Variants in ACACA observed in about 807,000 individuals in gnomAD.
ACACA encodes the protein acetyl-CoA carboxylase alpha.
Under a neutral mutation model 296.1 loss-of-function variants are expected in ACACA, and 103 were observed. The observed-to-expected ratio is 0.35, with a 90% CI of 0.30 to 0.41. The LOEUF (loss-of-function observed/expected upper bound fraction) is 0.41, where lower values mean the gene tolerates loss of function less well. ACACA is among the 10% of genes least tolerant of loss of function. ACACA has a pLI of 1.00. For synonymous variants in ACACA, 953 were observed against 1,038.6 expected (o/e 0.92, Z 1.58); for missense variants, 1,554 against 2,989.7 (o/e 0.52, Z 11.20).
chr17:37,272,609 G>A (rs1040888280), intron 9 of ACACA, among the ~76,000 whole-genome samples: 3 of 152,118 alleles, frequency 2.0e-5, no homozygotes, highest in African/African-American at 7.2e-5. Flanking sequence ...AAGTAAGAAG[G>A]TAGGCCTTTT....
chr17:37,197,964 G>A (rs913064063), intron 35 of ACACA, among the ~76,000 whole-genome samples: 6 of 152,120 alleles, frequency 3.9e-5, no homozygotes, highest in Non-Finnish European at 7.4e-5. Context: ...ACTATAAATA[G>A]GAATCAGACA....
At position 37,274,280 on chromosome 17, in the gene ACACA, C is replaced by T; in HGVS notation, c.921G>A (p.Gln307=). ...AGATACGTTTTGAAAAATCATTTTCCTGCCAGTCCACACGAAGACCTGCAA... is the reference window on the plus strand; with the variant it reads ...AGATACGTTTTGAAAAATCATTTTCTTGCCAGTCCACACGAAGACCTGCAA... The part of the protein sequence containing the change: ...WSGSGLRVDW[Q]ENDFSKRILN... Residue 307 remains glutamine (Q), a synonymous_variant, in exon 9 of 56, where the codon CAG becomes CAA. Coordinates refer to ENST00000616317, the MANE Select transcript of ACACA (RefSeq NM_198834.3). 6.2e-7 allele frequency: 1 copy of T among 1,614,116 alleles called. No homozygotes were observed. The highest frequency in any genetic ancestry group is 8.5e-7 in the Non-Finnish European group (1 of 1,179,970).
intron 41 of ACACA, among the ~76,000 whole-genome samples, chr17:37,177,323 G>A (rs1407400932): frequency 2.6e-5 from 4 of 151,162 alleles, no homozygotes; most frequent in African/African-American, 7.3e-5. Flanking sequence ...ACAGAGGCCC[G>A]TATAATAAGA....
intron 1 of ACACA, among the ~76,000 whole-genome samples, chr17:37,395,691 C>T (rs2051057018): frequency 2.0e-5 from 3 of 152,078 alleles, no homozygotes; most frequent in South Asian, 4.1e-4. Flanking sequence ...TACAGGCATG[C>T]ACCACCATGC....
At chr17:37,167,981 G>T (rs2076747976) in intron 41 of ACACA, among the ~76,000 whole-genome samples, 1 of 152,140 alleles carries the variant, frequency 6.6e-6, no homozygotes, top group Non-Finnish European at 1.5e-5. Context: ...AAATACCCAT[G>T]ATGTAATACT....
intron 48 of ACACA, among the ~76,000 whole-genome samples, chr17:37,124,958 C>T (rs2074706959): frequency 6.6e-6 from 1 of 152,160 alleles, no homozygotes; most frequent in African/African-American, 2.4e-5. Flanking sequence ...AAACTGATTG[C>T]CCCCAGAGGA....
chr17:37,088,278 A>G (rs1207729148), intron 55 of ACACA, among the ~76,000 whole-genome samples: 3 of 152,188 alleles, frequency 2.0e-5, no homozygotes, highest in Non-Finnish European at 4.4e-5. Context: ...GCAAATGCAC[A>G]CTGAAATATT....
At chr17:37,214,493 C>A (rs553285654) in intron 29 of ACACA, among the ~76,000 whole-genome samples, 93 of 152,312 alleles carry the variant, frequency 6.1e-4, no homozygotes, top group Admixed American at 3.0e-3. Flanking sequence ...AGCTACGAAC[C>A]CACAGCACAA....
intron 1 of ACACA, among the ~76,000 whole-genome samples, chr17:37,343,385 C>A (rs2048473495): frequency 6.6e-6 from 1 of 152,172 alleles, no homozygotes; most frequent in Non-Finnish European, 1.5e-5. Context: ...AATAAAGAGG[C>A]AGCAATTAGT....
At chr17:37,405,677 G>A (rs1374090770) in intron 1 of ACACA, among the ~76,000 whole-genome samples, 1 of 151,618 alleles carries the variant, frequency 6.6e-6, no homozygotes, top group Non-Finnish European at 1.5e-5. Context: ...CTCAGCCTCC[G>A]GAGTAGCTGG....
In ACACA at chr17:37,245,321, T is replaced by C. The variant is rs1020267280; in HGVS notation, c.2461-107A>G. 30 of 1,150,780 alleles carry C rather than the reference T, an allele frequency of 2.6e-5. No individual in the cohort carries two copies. The East Asian group carries it at 4.5e-4, about 17-fold the overall frequency. The allele number at this position is 1,150,780 out of a possible 1,614,324, so 71.3% of individuals were successfully genotyped here. On this transcript the variant is annotated intron_variant, in intron 19 of 55. Transcript: ENST00000616317. ...GCATCTAAGTTGGACCACACCTAAT[T>C]TGACCAAGAAAAAATGGGAATTTAC...
At chr17:37,087,939 G>T (rs905617398) in intron 55 of ACACA, among the ~76,000 whole-genome samples, 1 of 152,196 alleles carries the variant, frequency 6.6e-6, no homozygotes, top group African/African-American at 2.4e-5. Flanking sequence ...TACTTGCATG[G>T]CCTTAAAATG....
chr17:37,244,188 C>T (rs995093367), intron 21 of ACACA, among the ~76,000 whole-genome samples: 1 of 151,442 alleles, frequency 6.6e-6, no homozygotes, highest in Non-Finnish European at 1.5e-5. Context: ...TGGTGAAACC[C>T]CACCTCTACT....
At chr17:37,356,322 TA>T (rs990915120) in intron 1 of ACACA, among the ~76,000 whole-genome samples, 3 of 152,222 alleles carry the variant, frequency 2.0e-5, no homozygotes, top group African/African-American at 7.2e-5. Flanking sequence ...CGCTTTTTTG[TA>T]ATCTTACTGT....
At chr17:37,378,363 T>G (rs1304034484) in intron 1 of ACACA, among the ~76,000 whole-genome samples, 1 of 152,164 alleles carries the variant, frequency 6.6e-6, no homozygotes, top group Non-Finnish European at 1.5e-5. Flanking sequence ...AGTACAGCAG[T>G]GGAGTTTAGC....
At chr17:37,095,500 C>T (rs2072931017) in intron 54 of ACACA, among the ~76,000 whole-genome samples, 1 of 152,218 alleles carries the variant, frequency 6.6e-6, no homozygotes, top group South Asian at 2.1e-4. Flanking sequence ...AAACTGACAG[C>T]AAATCTGGGA....
intron 10 of ACACA, among the ~76,000 whole-genome samples, chr17:37,269,683 T>A (rs1433216898): frequency 1.3e-5 from 2 of 148,874 alleles, no homozygotes; most frequent in East Asian, 3.9e-4. Context: ...GTATATGAAA[T>A]CATGGAAGAC....
At chr17:37,359,635 G>T (rs2049323986) in intron 1 of ACACA, among the ~76,000 whole-genome samples, 1 of 152,170 alleles carries the variant, frequency 6.6e-6, no homozygotes, top group Admixed American at 6.5e-5. Context: ...CGGGGAAAGG[G>T]AACCCAGAAT....
chr17:37,239,968 C>T (rs1329032462), intron 24 of ACACA, among the ~76,000 whole-genome samples: 1 of 152,204 alleles, frequency 6.6e-6, no homozygotes, highest in Non-Finnish European at 1.5e-5. Flanking sequence ...TTATTTCACA[C>T]TTAAGAGACA....
Sources: gnomAD v4.1 joint callset for allele counts (sites outside exome capture counted in the v4.1 genomes callset) on GRCh38, gnomAD v4.1.1 for gene constraint, MANE v1.5 for transcripts, NCBI Gene and HGNC (gene_info 2026-07-23, HGNC 2026-07-21) for gene names.